Variants in ZNF775 observed in about 807,000 individuals in gnomAD.
The protein encoded by ZNF775 is zinc finger protein 775.
Under a neutral mutation model 2.4 loss-of-function variants are expected in ZNF775, and 1 was observed. The observed-to-expected ratio is 0.41, with a 90% confidence interval of 0.15 to 1.94. The LOEUF (loss-of-function observed/expected upper bound fraction) is 1.94. Ranked by LOEUF, ZNF775 falls within the 30% of genes most tolerant of loss-of-function variation. ZNF775 has a pLI of 0.30. For missense variants in ZNF775, 823 were observed against 826.6 expected, an observed-to-expected ratio of 1.00 and a Z score of 0.05; for synonymous variants, 381 against 373.3, an observed-to-expected ratio of 1.02 and a Z score of -0.24.
At chr7:150,386,228 G>C (rs1369478807) in intron 1 of ZNF775, among the ~76,000 whole-genome samples, 1 of 152,142 alleles carries the variant, frequency 6.6e-6, no homozygotes, top group Non-Finnish European at 1.5e-5. Context: ...GAACCACCGT[G>C]CCCAGCCTTA....
chr7:150,392,411 CTTTTAT>C, intron 2 of ZNF775, among the ~76,000 whole-genome samples: 1 of 152,296 alleles, frequency 6.6e-6, no homozygotes, highest in Middle Eastern at 3.4e-3. Context: ...TTTACTTTTA[CTTTTAT>C]TGTTTTGTGG....
At chr7:150,389,917 G>T (rs150091829) in intron 2 of ZNF775, among the ~76,000 whole-genome samples, 131,314 of 145,492 alleles carry the variant, frequency 0.9, 59,240 homozygotes, top group Non-Finnish European at 0.93. Flanking sequence ...GTGTGTGTGT[G>T]TGTTATGGCA....
rs1451809265 is a variant in ZNF775 at position 150,379,360 on chromosome 7, C to G, written c.-82C>G. 6.6e-6 allele frequency: 1 copy of G among 152,230 alleles called. No homozygotes were observed. The highest frequency in any genetic ancestry group is 2.4e-5 in the African/African-American group (1 of 41,464). 9.4% of individuals were successfully genotyped at this position (152,230 alleles called of 1,614,324 possible). On this transcript the variant is annotated 5_prime_UTR_variant, in exon 1 of 3. Transcript: ENST00000329630. The stretch of plus-strand genomic sequence containing the variant: ...GGTGCCCAAGTCGCCCTCGGGGTGG[C>G]AGTTCCCGTTAACCTTAGCCACAAA...
Position 150,398,316 on chromosome 7 carries a change from C to A in ZNF775, c.*221C>A. 1 of 744,592 alleles carries A rather than the reference C, an allele frequency of 1.3e-6. No homozygotes were observed. The highest frequency in any genetic ancestry group is 2.1e-6 in the Non-Finnish European group (1 of 483,192). 46.1% of individuals were successfully genotyped at this position (744,592 alleles called of 1,614,324 possible). On this transcript the variant is annotated 3_prime_UTR_variant, in exon 3 of 3. Transcript: ENST00000329630. ...GGGAGGAGGGAAGATCCGAGTTCCT[C>A]ACCGCGGGCCGGGATGTGACCACCC...
chr7:150,395,675 G>A (rs914819449), intron 2 of ZNF775, among the ~76,000 whole-genome samples: 3 of 152,196 alleles, frequency 2.0e-5, no homozygotes, highest in African/African-American at 7.2e-5. Context: ...TGTGGCAGAT[G>A]GTTTCTTTAT....
At position 150,397,127 on chromosome 7, in the gene ZNF775, G is replaced by A. The variant is rs758428651; in HGVS notation, c.646G>A (p.Asp216Asn). Reference protein sequence around the residue: ...LRIHQRAHARDRQGSRAGLHE... With the variant: ...LRIHQRAHARNRQGSRAGLHE... Reference sequence around the variant, plus strand: ...CATCCACCAGCGCGCGCACGCCCGGGACCGCCAGGGCTCCCGCGCCGGCCT... The same window carrying A: ...CATCCACCAGCGCGCGCACGCCCGGAACCGCCAGGGCTCCCGCGCCGGCCT... The change falls in exon 3 of 3, where the codon GAC becomes AAC. Residue 216 changes from aspartate to asparagine, a missense_variant. Transcript: ENST00000329630. 4.6e-6 allele frequency: 7 copies of A among 1,514,032 alleles called. No individual in the cohort carries two copies. Among genetic ancestry groups the A allele is most frequent in the Non-Finnish European group, 5.3e-6 (6 of 1,139,958 alleles). The allele number at this position is 1,514,032 out of a possible 1,614,324, so 93.8% of individuals were successfully genotyped here. A position where few individuals can be genotyped will look rare whatever the true frequency, so the allele number is the denominator to read the frequency against.
At chr7:150,387,402 G>A (rs749779886) in intron 1 of ZNF775, among the ~76,000 whole-genome samples, 8 of 152,184 alleles carry the variant, frequency 5.3e-5, no homozygotes, top group Non-Finnish European at 1.0e-4. Context: ...GGGATCTGCG[G>A]TGAGGGGACA....
chr7:150,395,244 G>A (rs1435180728), intron 2 of ZNF775, among the ~76,000 whole-genome samples: 1 of 151,928 alleles, frequency 6.6e-6, no homozygotes, highest in African/African-American at 2.4e-5. Context: ...CCATATTTGG[G>A]GATTTTCAGA....
intron 2 of ZNF775, among the ~76,000 whole-genome samples, chr7:150,390,377 T>C (rs1800542148): frequency 6.6e-6 from 1 of 152,152 alleles, no homozygotes; most frequent in Non-Finnish European, 1.5e-5. Flanking sequence ...CCTGGCATCC[T>C]GGGGCTCTCT....
intron 1 of ZNF775, among the ~76,000 whole-genome samples, chr7:150,387,732 C>T (rs747047950): frequency 6.6e-6 from 1 of 152,002 alleles, no homozygotes; most frequent in Non-Finnish European, 1.5e-5. Flanking sequence ...ATGGCGTGAA[C>T]CTGGGAGGCG....
At chr7:150,394,831 A>G (rs1444972531) in intron 2 of ZNF775, among the ~76,000 whole-genome samples, 2 of 152,222 alleles carry the variant, frequency 1.3e-5, no homozygotes, top group Non-Finnish European at 2.9e-5. Flanking sequence ...TTCCTGGGGA[A>G]AATCTCAGCA....
rs1417553267 is a variant in ZNF775, at chr7:150,397,660, C to T, written c.1179C>T (p.Pro393=). The T allele has an allele frequency of 3.3e-5, 44 of 1,323,668 alleles. No individual in the cohort carries two copies. Among genetic ancestry groups the T allele is most frequent in the Non-Finnish European group, 3.9e-5 (41 of 1,041,694 alleles). 82.0% of individuals were successfully genotyped at this position (1,323,668 alleles called of 1,614,324 possible). A position where few individuals can be genotyped will look rare whatever the true frequency, so the allele number is the denominator to read the frequency against. Reference sequence around the variant, plus strand: ...AGCGCGCCCACGCTGTCGCTGAGCCCGCCGTTCCGGCCGGGGAACCGGGCG... The same window carrying T: ...AGCGCGCCCACGCTGTCGCTGAGCCTGCCGTTCCGGCCGGGGAACCGGGCG... The part of the protein sequence containing the change: ...AHQRAHAVAE[P]AVPAGEPGDQ... The change falls in exon 3 of 3, where the codon CCC becomes CCT. Residue 393 remains proline, a synonymous_variant. Transcript: ENST00000329630.
chr7:150,388,956 T>C (rs1800507483), intron 2 of ZNF775, among the ~76,000 whole-genome samples: 1 of 152,252 alleles, frequency 6.6e-6, no homozygotes, highest in African/African-American at 2.4e-5. Flanking sequence ...CGTTATTGGC[T>C]AAGCCGCTTA....
intron 2 of ZNF775, among the ~76,000 whole-genome samples, chr7:150,389,861 G>T (rs113305768): frequency 0.33 from 1,999 of 5,994 alleles, 56 homozygotes; most frequent in African/African-American, 0.45. Flanking sequence ...ATTTTTATTT[G>T]TGTGTGTGTG....
intron 1 of ZNF775, among the ~76,000 whole-genome samples, chr7:150,386,332 G>C (rs1313733798): frequency 6.6e-6 from 1 of 152,180 alleles, no homozygotes; most frequent in Non-Finnish European, 1.5e-5. Context: ...GACAGAGATA[G>C]AGCTTATTAA....
In ZNF775 at chr7:150,398,293, G is replaced by C; in HGVS notation, c.*198G>C. On this transcript the variant is annotated 3_prime_UTR_variant, in exon 3 of 3. Transcript: ENST00000329630. ...GGAAAGGTCCCAGCGTGGGTTGAGG[G>C]AGGAGGGAAGATCCGAGTTCCTCAC... 1 of 898,818 alleles carries C rather than the reference G, an allele frequency of 1.1e-6. No individual in the cohort carries two copies. The highest frequency in any genetic ancestry group is 1.6e-6 in the Non-Finnish European group (1 of 621,226). 55.7% of individuals were successfully genotyped at this position (898,818 alleles called of 1,614,324 possible).
chr7:150,397,488 C>T lies in ZNF775; in HGVS notation c.1007C>T (p.Pro336Leu), dbSNP rs1370316012. Residue 336 changes from proline to leucine, a missense_variant, in exon 3 of 3, where the codon CCG (proline) becomes CTG (leucine). Physicochemically the swap from Pro to Leu is moderately conservative, Grantham distance 98. Coordinates refer to ENST00000329630, the MANE Select transcript of ZNF775 (RefSeq NM_173680.4). ...CTGCGCAACCACACAGGCGAGCGCC[C>T]GCACCCCTGCCCGCACTGTGGCCGC... is the stretch of plus-strand genomic sequence containing the variant. The part of the protein sequence containing the change: ...RHLRNHTGER[P>L]HPCPHCGRGF... 2 of 1,585,558 alleles carry T rather than the reference C, an allele frequency of 1.3e-6. No homozygotes were observed. The highest frequency in any genetic ancestry group is 1.7e-6 in the Non-Finnish European group (2 of 1,172,486).
intron 2 of ZNF775, among the ~76,000 whole-genome samples, chr7:150,392,466 C>T (rs1252570097): frequency 6.6e-6 from 1 of 152,178 alleles, no homozygotes; most frequent in Non-Finnish European, 1.5e-5. Flanking sequence ...ACCAGGCCCA[C>T]CATGGAAGAG....
At position 150,397,640 on chromosome 7, in the gene ZNF775, G is replaced by A. The variant is rs773168976; in HGVS notation, c.1159G>A (p.Ala387Thr). Residue 387 changes from alanine to threonine, a missense_variant, in exon 3 of 3, where the codon GCC becomes ACC. Ala to Thr is a moderately conservative substitution (Grantham distance 58). Transcript: ENST00000329630. Reference protein sequence around the residue: ...SRAALRAHQRAHAVAEPAVPA... With the variant: ...SRAALRAHQRTHAVAEPAVPA... ...CGCCGCGCTGCGCGCCCACCAGCGCGCCCACGCTGTCGCTGAGCCCGCCGT... is the reference window on the plus strand; with the variant it reads ...CGCCGCGCTGCGCGCCCACCAGCGCACCCACGCTGTCGCTGAGCCCGCCGT... 4 of 1,329,308 alleles carry A rather than the reference G, an allele frequency of 3.0e-6. No individual in the cohort carries two copies. The South Asian group carries it at 5.0e-5, about 17-fold the overall frequency. The allele number at this position is 1,329,308 out of a possible 1,614,324, so 82.3% of individuals were successfully genotyped here. A position where few individuals can be genotyped will look rare whatever the true frequency, so the allele number is the denominator to read the frequency against.
Sources: gnomAD v4.1 joint callset for allele counts (sites outside exome capture counted in the v4.1 genomes callset) on GRCh38, gnomAD v4.1.1 for gene constraint, MANE v1.5 for transcripts, NCBI Gene and HGNC (gene_info 2026-07-23, HGNC 2026-07-21) for gene names.